The following CCL5 variants were observed in gnomAD, a reference collection of about 807,000 sequenced individuals.
CCL5 encodes C-C motif chemokine ligand 5, also known as C-C motif chemokine 5.
Under a neutral mutation model 9.0 loss-of-function variants are expected in CCL5, and 5 were observed. The observed-to-expected ratio is 0.55, with a 90% CI of 0.29 to 1.16. CCL5 has a LOEUF of 1.16. Among genes scored for constraint, CCL5 ranks in the 50% most tolerant of loss-of-function variants. The pLI is 0.08. For missense variants in CCL5, 183 were observed against 183.2 expected, an observed-to-expected ratio of 1.00 and a Z score of 0.01; for synonymous variants, 66 against 72.0, an observed-to-expected ratio of 0.92 and a Z score of 0.42.
chr17:35,872,202 C>A lies in CCL5; in HGVS notation c.*68G>T. Reference sequence around the variant, plus strand: ...CCTCCCAAAGTGCTGGGATTACAGGCGTGAGCCACCACGTCCAGCCTGGGG... The same window carrying A: ...CCTCCCAAAGTGCTGGGATTACAGGAGTGAGCCACCACGTCCAGCCTGGGG... On this transcript the variant is annotated 3_prime_UTR_variant, in exon 4 of 4. Transcript: ENST00000651122. 3 of 1,203,006 alleles carry A rather than the reference C, an allele frequency of 2.5e-6. No homozygotes were observed. The highest frequency in any genetic ancestry group is 3.3e-6 in the Non-Finnish European group (3 of 900,406). The allele number at this position is 1,203,006 out of a possible 1,614,324, so 74.5% of individuals were successfully genotyped here. A position where few individuals can be genotyped will look rare whatever the true frequency, so the allele number is the denominator to read the frequency against.
rs2088500631 is a variant in CCL5, at chr17:35,880,313, G to A, written c.-8C>T. 1 of 1,609,440 alleles carries A rather than the reference G, an allele frequency of 6.2e-7. No individual in the cohort carries two copies. The highest frequency in any genetic ancestry group is 1.3e-5 in the African/African-American group (1 of 74,848). On this transcript the variant is annotated 5_prime_UTR_variant, in exon 1 of 4. Transcript: ENST00000651122. Reference sequence around the variant, plus strand: ...TGCCGCGGAGACCTTCATGGTACCTGTGGGAGAGGCTGTGCGAGGTCCACG... The same window carrying A: ...TGCCGCGGAGACCTTCATGGTACCTATGGGAGAGGCTGTGCGAGGTCCACG...
chr17:35,877,943 A>G (rs147063413), intron 2 of CCL5, among the ~76,000 whole-genome samples: 1 of 152,260 alleles, frequency 6.6e-6, no homozygotes, highest in African/African-American at 2.4e-5. Context: ...TCTTCCCCAC[A>G]TAGGAGCATT....
In CCL5 at chr17:35,872,216, T is replaced by A. The variant is rs1276919295; in HGVS notation, c.*54A>T. The A allele has an allele frequency of 3.7e-6, 5 of 1,337,978 alleles. No individual in the cohort carries two copies. The highest frequency in any genetic ancestry group is 4.0e-6 in the Non-Finnish European group (4 of 1,010,094). 82.9% of individuals were successfully genotyped at this position (1,337,978 alleles called of 1,614,324 possible). A position where few individuals can be genotyped will look rare whatever the true frequency, so the allele number is the denominator to read the frequency against. ...GGGATTACAGGCGTGAGCCACCACG[T>A]CCAGCCTGGGGAAGGTTTTTGTAAC... On this transcript the variant is annotated 3_prime_UTR_variant, in exon 4 of 4. Coordinates refer to ENST00000651122, the MANE Select transcript of CCL5 (RefSeq NM_001278736.2).
intron 1 of CCL5, among the ~76,000 whole-genome samples, chr17:35,879,864 T>G (rs553584440): frequency 4.6e-5 from 7 of 152,158 alleles, no homozygotes; most frequent in Non-Finnish European, 7.4e-5. Flanking sequence ...TTAGTTAAAT[T>G]TCTTAGAAAC....
intron 3 of CCL5, among the ~76,000 whole-genome samples, chr17:35,873,580 C>T (rs994522865): frequency 6.6e-6 from 1 of 152,164 alleles, no homozygotes; most frequent in Non-Finnish European, 1.5e-5. Context: ...GGTGGGTGAA[C>T]GAAAGATGGG....
At chr17:35,875,118 T>G (rs1318825744) in intron 3 of CCL5, among the ~76,000 whole-genome samples, 2 of 152,208 alleles carry the variant, frequency 1.3e-5, no homozygotes, top group African/African-American at 4.8e-5. Context: ...CCACCTTATT[T>G]AAATATTTCA....
At chr17:35,878,664 G>T in intron 1 of CCL5, 25 bp from the exon 2 acceptor site, 1 of 1,430,772 alleles carries the variant, frequency 7.0e-7, no homozygotes, top group Non-Finnish European at 9.8e-7. Flanking sequence ...GAAGGAGGGA[G>T]ACCCTTTTAT....
rs1207212410 is a variant in CCL5 at position 35,871,983 on chromosome 17, G to A, written c.*287C>T. The A allele has an allele frequency of 2.2e-5, 3 of 139,170 alleles. No individual in the cohort carries two copies. The highest frequency in any genetic ancestry group is 8.3e-5 in the African/African-American group (3 of 36,334). The allele number at this position is 139,170 out of a possible 1,614,324, so 8.6% of individuals were successfully genotyped here. A position where few individuals can be genotyped will look rare whatever the true frequency, so the allele number is the denominator to read the frequency against. ...GTCGCCCAGGCTGGAGTGCAGTGGC[G>A]CGATCTCGGCTCACTGCAAGCTCCG... On this transcript the variant is annotated 3_prime_UTR_variant, in exon 4 of 4. Transcript: ENST00000651122.
chr17:35,874,983 A>T (rs2088423634), intron 3 of CCL5, among the ~76,000 whole-genome samples: 1 of 152,102 alleles, frequency 6.6e-6, no homozygotes, highest in Admixed American at 6.5e-5. Flanking sequence ...CAAAGGAATT[A>T]TATGTCTCAA....
chr17:35,872,787 TTCC>T (rs2088388750), intron 3 of CCL5, among the ~76,000 whole-genome samples: 1 of 152,202 alleles, frequency 6.6e-6, no homozygotes, highest in African/African-American at 2.4e-5. Flanking sequence ...TTCTCAGCAC[TTCC>T]TCTGCTCCAG....
intron 1 of CCL5, among the ~76,000 whole-genome samples, chr17:35,879,353 G>A (rs750963646): frequency 2.4e-4 from 36 of 152,044 alleles, no homozygotes; most frequent in Non-Finnish European, 4.9e-4. Context: ...TACAAAAATC[G>A]GCTGGGCACG....
At chr17:35,878,746 CT>C in intron 1 of CCL5, 107 bp from the exon 2 acceptor site, 1 of 691,950 alleles carries the variant, frequency 1.4e-6, no homozygotes, top group East Asian at 2.8e-5. Context: ...TGTTATCTTC[CT>C]TGACAGAAAC....
In CCL5 at chr17:35,871,502, A is replaced by G. The variant is rs2088362423; in HGVS notation, c.*768T>C. 1 of 152,222 alleles carries G rather than the reference A, an allele frequency of 6.6e-6. No individual in the cohort carries two copies. Among genetic ancestry groups the G allele is most frequent in the African/African-American group, 2.4e-5 (1 of 41,424 alleles). The allele number at this position is 152,222 out of a possible 1,614,324, so 9.4% of individuals were successfully genotyped here. On this transcript the variant is annotated 3_prime_UTR_variant, in exon 4 of 4. Coordinates refer to ENST00000651122, the MANE Select transcript of CCL5 (RefSeq NM_001278736.2). The stretch of plus-strand genomic sequence containing the variant: ...AATCAAGAGTCAGCTTTATGGTTGC[A>G]TTGAGAACTTTAATGGTAAGCCGAT...
intron 3 of CCL5, chr17:35,875,525 C>A: frequency 1.1e-6 from 1 of 896,516 alleles, no homozygotes. Flanking sequence ...AGTTTGTGTT[C>A]TTATTTAGGG....
Position 35,872,391 on chromosome 17 carries a change from A to G in CCL5, c.344T>C (p.Phe115Ser). The G allele has an allele frequency of 6.2e-7, 1 of 1,613,622 alleles. No homozygotes were observed. Among genetic ancestry groups the G allele is most frequent in the East Asian group, 2.2e-5 (1 of 44,814 alleles). The change falls in exon 4 of 4, where the codon TTT (phenylalanine) becomes TCT (serine). Residue 115 changes from phenylalanine (F) to serine (S), a missense_variant. Transcript: ENST00000651122. ...GACTCTCCATCCTAGCTCATCTCCA[A>G]AGAGTTGATGTACTCCCGAACCCAT...
chr17:35,878,095 T>C (rs867964637), intron 2 of CCL5, among the ~76,000 whole-genome samples: 46 of 151,848 alleles, frequency 3.0e-4, no homozygotes, highest in African/African-American at 9.7e-4. Flanking sequence ...CCATCCTGGC[T>C]AACACGGTGA....
At chr17:35,876,488 C>T (rs1206054652) in intron 2 of CCL5, among the ~76,000 whole-genome samples, 4 of 152,144 alleles carry the variant, frequency 2.6e-5, no homozygotes, top group Non-Finnish European at 5.9e-5. Context: ...CATCCTTAAC[C>T]CCCATTTTTC....
chr17:35,877,670 C>A (rs901137066), intron 2 of CCL5, among the ~76,000 whole-genome samples: 2 of 152,162 alleles, frequency 1.3e-5, no homozygotes, highest in Admixed American at 6.5e-5. Flanking sequence ...AGACATTTGA[C>A]ACATAGTAGG....
chr17:35,874,903 C>A (rs2088422564), intron 3 of CCL5, among the ~76,000 whole-genome samples: 1 of 152,152 alleles, frequency 6.6e-6, no homozygotes, highest in Non-Finnish European at 1.5e-5. Context: ...TGAGCCACCG[C>A]ACCCAGATAG....
Sources: allele counts gnomAD v4.1 joint callset (sites outside exome capture counted in the v4.1 genomes callset), GRCh38; gene constraint gnomAD v4.1.1; transcripts MANE v1.5; gene names NCBI Gene and HGNC (gene_info 2026-07-23, HGNC 2026-07-21).